The following SCN1A variants were observed in gnomAD, a reference collection of about 807,000 sequenced individuals.
SCN1A encodes sodium channel protein type 1 subunit alpha.
Under a neutral mutation model 193.7 loss-of-function variants are expected in SCN1A, and 13 were observed. The ratio of observed to expected loss-of-function variants is 0.07; its 90% CI spans 0.04 to 0.11. SCN1A has a LOEUF of 0.11. Ranked by LOEUF, SCN1A falls within the 10% of genes least tolerant of loss-of-function variation. The pLI, the probability that SCN1A is intolerant of heterozygous loss-of-function variation, is 1.00. For synonymous variants in SCN1A, 781 were observed against 843.6 expected, an observed-to-expected ratio of 0.93 and a Z score of 1.29; for missense variants, 1,432 against 2,451.1, an observed-to-expected ratio of 0.58 and a Z score of 8.78.
chr2:166,083,737 G>C (rs1458985258), intron 2 of SCN1A, among the ~76,000 whole-genome samples: 1 of 152,122 alleles, frequency 6.6e-6, no homozygotes, highest in African/African-American at 2.4e-5. Context: ...TAAATCATGT[G>C]AAATTTAGGA....
At chr2:166,012,020 C>A (rs527992742) in intron 22 of SCN1A, 89 bp downstream of exon 22, 19 of 1,150,954 alleles carry the variant, frequency 1.7e-5, no homozygotes, top group Non-Finnish European at 2.2e-5. Flanking sequence ...GTCAACATAA[C>A]ATAGTGGTCT....
Position 166,036,176 on chromosome 2 carries a change from C to G in SCN1A, c.3301G>C (p.Asp1101His), listed in dbSNP as rs1055992012. The change falls in exon 19 of 29, where the codon GAT becomes CAT. Residue 1101 changes from aspartate (D) to histidine (H), a missense_variant. Transcript: ENST00000674923. ...GGGTTGTTTATGAATGACATGTAAT[C>G]ACTTTCATCAATAATGTATTTTTCA... ...SVEKYIIDES[D>H]YMSFINNPSL... The G allele has an allele frequency of 2.5e-6, 4 of 1,613,982 alleles. No individual in the cohort carries two copies. The highest frequency in any genetic ancestry group is 3.4e-6 in the Non-Finnish European group (4 of 1,179,938).
chr2:166,130,666 GCATAAGGAGATAAATGA>G (rs1691622056), upstream of SCN1A, among the ~76,000 whole-genome samples: 1 of 152,152 alleles, frequency 6.6e-6, no homozygotes, highest in African/African-American at 2.4e-5. Context: ...AAAGCATTGA[GCATAAGGAGATAAATGA>G]CTATTCTCAT....
At chr2:166,074,731 CA>C (rs1684823392) in intron 3 of SCN1A, among the ~76,000 whole-genome samples, 1 of 152,150 alleles carries the variant, frequency 6.6e-6, no homozygotes, top group Non-Finnish European at 1.5e-5. Context: ...TTGGAGACTG[CA>C]TTAACTCATT....
At chr2:166,119,137 C>T (rs1344374052) in intron 2 of SCN1A, among the ~76,000 whole-genome samples, 1 of 152,168 alleles carries the variant, frequency 6.6e-6, no homozygotes, top group Non-Finnish European at 1.5e-5. Flanking sequence ...TCCTACTGTG[C>T]GACCCAGTTC....
Position 166,053,034 on chromosome 2 carries a change from C to T in SCN1A, c.603-91G>A, listed in dbSNP as rs3812718. On this transcript the variant is annotated intron_variant, in intron 7 of 28. Transcript: ENST00000674923. ...AGCCTATCCTTTACTCTAATCACTTCTTACCTGGAATTACCGAAATAGTTT... is the reference window on the plus strand; with the variant it reads ...AGCCTATCCTTTACTCTAATCACTTTTTACCTGGAATTACCGAAATAGTTT... 0.53 allele frequency: 759,102 copies of T among 1,421,164 alleles called. 205,453 individuals are homozygous for T. The highest frequency in any genetic ancestry group is 0.55 in the East Asian group (24,371 of 43,948). 88.0% of individuals were successfully genotyped at this position (1,421,164 alleles called of 1,614,324 possible). A position where few individuals can be genotyped will look rare whatever the true frequency, so the allele number is the denominator to read the frequency against.
At chr2:166,121,572 TAATTACA>T (rs1353844282) in intron 2 of SCN1A, among the ~76,000 whole-genome samples, 1 of 152,198 alleles carries the variant, frequency 6.6e-6, no homozygotes, top group African/African-American at 2.4e-5. Context: ...ATCATGCCTG[TAATTACA>T]AACCTAATTA....
intron 2 of SCN1A, chr2:166,081,750 T>C (rs1171781451): frequency 6.6e-6 from 1 of 151,794 alleles, no homozygotes; most frequent in Non-Finnish European, 1.5e-5. Context: ...TAAAAGAAAT[T>C]CCCCCTCCTC....
At chr2:166,041,493 A>AG in intron 15 of SCN1A, 24 bp from the exon 16 acceptor site, 1 of 1,401,804 alleles carries the variant, frequency 7.1e-7, no homozygotes, top group Non-Finnish European at 1.0e-6. Flanking sequence ...AAAAAAAAAA[A>AG]GAACCACCAA....
At chr2:166,092,789 G>A (rs1408187869) in intron 2 of SCN1A, 1 of 152,180 alleles carries the variant, frequency 6.6e-6, no homozygotes, top group Non-Finnish European at 1.5e-5. Context: ...TAACAAAACT[G>A]TGATATTAAA....
chr2:166,139,408 C>A (rs564855398), intron 1 of SCN1A, among the ~76,000 whole-genome samples: 1 of 152,100 alleles, frequency 6.6e-6, no homozygotes, highest in African/African-American at 2.4e-5. Flanking sequence ...GTGCTGTTCT[C>A]ATGATAGTGA....
chr2:166,003,686 T>C (rs941951274), intron 23 of SCN1A, among the ~76,000 whole-genome samples: 19 of 151,586 alleles, frequency 1.3e-4, no homozygotes, highest in Non-Finnish European at 2.1e-4. Context: ...AGAGGGAAGC[T>C]AAAAACAGAC....
chr2:166,004,770 T>C (rs1294559357), intron 23 of SCN1A, among the ~76,000 whole-genome samples: 9 of 151,428 alleles, frequency 5.9e-5, no homozygotes, highest in Middle Eastern at 3.2e-3. Context: ...GCCATTTACA[T>C]TGAAATTCCT....
At chr2:166,073,311 T>C (rs1460296727) in intron 4 of SCN1A, 47 bp downstream of exon 4, 7 of 1,609,274 alleles carry the variant, frequency 4.3e-6, no homozygotes, top group Non-Finnish European at 5.9e-6. Context: ...GTCCAAGGAA[T>C]GCAGTAGGCA....
At chr2:166,134,041 A>G (rs937612669) in intron 1 of SCN1A, 1 of 152,212 alleles carries the variant, frequency 6.6e-6, no homozygotes, top group Non-Finnish European at 1.5e-5. Context: ...TCCGTAATAG[A>G]CTTCCAACAA....
At chr2:166,131,423 GT>G (rs1295180002), upstream of SCN1A, among the ~76,000 whole-genome samples, 10 of 151,322 alleles carry the variant, frequency 6.6e-5, no homozygotes, top group African/African-American at 2.5e-4. Flanking sequence ...GAATGTGGTT[GT>G]TACTTTGTTA....
chr2:166,020,209 C>G (rs561288634), intron 19 of SCN1A, among the ~76,000 whole-genome samples: 83 of 152,256 alleles, frequency 5.5e-4, no homozygotes, highest in Admixed American at 2.2e-3. Context: ...CACGCCCGGC[C>G]CAAGGTGAAC....
At chr2:166,005,834 T>C (rs55719736) in intron 23 of SCN1A, among the ~76,000 whole-genome samples, 8,850 of 151,378 alleles carry the variant, frequency 0.058, 856 homozygotes, top group African/African-American at 0.2. Flanking sequence ...AATTGAACTT[T>C]CAGGCTACAT....
intron 20 of SCN1A, among the ~76,000 whole-genome samples, 156 bp from the exon 21 acceptor site, chr2:166,014,054 G>GTGTGAAGTTGTGGAAACA (rs1692923076): frequency 1.3e-5 from 2 of 151,748 alleles, no homozygotes; most frequent in Admixed American, 1.3e-4. Flanking sequence ...TTCATCAGCT[G>GTGTGAAGTTGTGGAAACA]TGTGAAGTTG....
Sources: gnomAD v4.1 joint callset for allele counts (sites outside exome capture counted in the v4.1 genomes callset) on GRCh38, gnomAD v4.1.1 for gene constraint, MANE v1.5 for transcripts, NCBI Gene and HGNC (gene_info 2026-07-23, HGNC 2026-07-21) for gene names.